Variants in N4BP2L1 observed in about 807,000 individuals in gnomAD.
The protein encoded by N4BP2L1 is NEDD4-binding protein 2-like 1.
N4BP2L1 carries 12 observed loss-of-function variants against 21.2 expected under a neutral mutation model. That is an observed-to-expected ratio of 0.57 (90% confidence interval 0.36 to 0.92). N4BP2L1 has a LOEUF of 0.92. Among genes scored for constraint, N4BP2L1 ranks in the 40% least tolerant of loss-of-function variants. The pLI is 0.01. For missense variants in N4BP2L1, 259 were observed against 310.6 expected, an observed-to-expected ratio of 0.83 and a Z score of 1.25; for synonymous variants, 104 against 112.8, an observed-to-expected ratio of 0.92 and a Z score of 0.49.
intron 1 of N4BP2L1, 80 bp downstream of exon 1, chr13:32,427,824 G>A (rs1490657385): frequency 2.0e-6 from 2 of 984,768 alleles, no homozygotes; most frequent in East Asian, 3.4e-5. Flanking sequence ...GCCCGGGAGC[G>A]GCTTGGGGCA....
chr13:32,407,188 G>GA, intron 3 of N4BP2L1, 62 bp downstream of exon 3: 2 of 1,484,454 alleles, frequency 1.3e-6, no homozygotes, highest in Non-Finnish European at 1.9e-6. Context: ...GGAAAGAACA[G>GA]ATGCTTCAAC....
chr13:32,414,329 A>G (rs147693147), intron 1 of N4BP2L1, among the ~76,000 whole-genome samples: 47 of 152,320 alleles, frequency 3.1e-4, no homozygotes, highest in African/African-American at 9.4e-4. Context: ...CCAATGGTCT[A>G]TGGTTAGGCA....
intron 1 of N4BP2L1, among the ~76,000 whole-genome samples, chr13:32,416,284 T>C (rs1299815646): frequency 6.6e-6 from 1 of 152,226 alleles, no homozygotes; most frequent in African/African-American, 2.4e-5. Flanking sequence ...AGCACTGCTA[T>C]GAATCCCCAA....
intron 4 of N4BP2L1, 58 bp downstream of exon 4, chr13:32,404,263 C>G (rs751984302): frequency 6.3e-7 from 1 of 1,584,064 alleles, no homozygotes. Context: ...TTTGTTCGGT[C>G]TGAAATACCT....
chr13:32,404,365 T>C lies in N4BP2L1; in HGVS notation c.429A>G (p.Arg143=). The C allele has an allele frequency of 6.2e-7, 1 of 1,613,630 alleles. No individual in the cohort carries two copies. Among genetic ancestry groups the C allele is most frequent in the Non-Finnish European group, 8.5e-7 (1 of 1,179,876 alleles). The change falls in exon 4 of 5, where the codon CGA becomes CGG. Residue 143 remains arginine, a synonymous_variant. Coordinates refer to ENST00000380130, the MANE Select transcript of N4BP2L1 (RefSeq NM_052818.3). Reference sequence around the variant, plus strand: ...TGAATTTCCAGCGAGTGTCAGGTTCTCGGAATATAACTTCATAGTTATTTT... The same window carrying C: ...TGAATTTCCAGCGAGTGTCAGGTTCCCGGAATATAACTTCATAGTTATTTT... ...ALENNYEVIF[R]EPDTRWKFNV...
intron 4 of N4BP2L1, 70 bp downstream of exon 4, chr13:32,404,251 C>G (rs372468111): frequency 1.3e-6 from 2 of 1,588,940 alleles, no homozygotes; most frequent in African/African-American, 2.7e-5. Context: ...TGAAAAGATT[C>G]TTTTGTTCGG....
At chr13:32,423,400 AG>A (rs542027157) in intron 1 of N4BP2L1, among the ~76,000 whole-genome samples, 9 of 152,338 alleles carry the variant, frequency 5.9e-5, no homozygotes, top group African/African-American at 2.2e-4. Context: ...CATGTACTAC[AG>A]GGTGGTTCCC....
intron 1 of N4BP2L1, chr13:32,425,162 CAT>C (rs1185037408): frequency 2.0e-5 from 3 of 152,176 alleles, no homozygotes; most frequent in African/African-American, 7.2e-5. Context: ...TTTCTATATA[CAT>C]GTGTATTTTT....
intron 1 of N4BP2L1, among the ~76,000 whole-genome samples, chr13:32,412,455 C>T (rs577420791): frequency 4.1e-4 from 62 of 152,078 alleles, no homozygotes; most frequent in African/African-American, 1.3e-3. Flanking sequence ...GGCAAAATCC[C>T]GTCTCTACTA....
chr13:32,423,610 A>G (rs1303868213), intron 1 of N4BP2L1, among the ~76,000 whole-genome samples: 3 of 152,246 alleles, frequency 2.0e-5, no homozygotes, highest in Non-Finnish European at 4.4e-5. Flanking sequence ...CAAAAATAGT[A>G]AAGTTCTGAC....
rs75925623 is a variant in N4BP2L1, at chr13:32,416,153, G to A, written c.180-8381C>T. The A allele has an allele frequency of 2.0e-5, 3 of 152,206 alleles. No homozygotes were observed. In the East Asian group the frequency reaches 5.8e-4, roughly 29 times the overall value. The allele number at this position is 152,206 out of a possible 1,614,324, so 9.4% of individuals were successfully genotyped here. A position where few individuals can be genotyped will look rare whatever the true frequency, so the allele number is the denominator to read the frequency against. On this transcript the variant is annotated intron_variant, in intron 1 of 4. Transcript: ENST00000380130. ...GTCCATTTTCTTTAACTGCTACATA[G>A]TACTCCATTATCAGCAAAATAATAA...
chr13:32,418,457 G>A (rs1288254272), intron 1 of N4BP2L1, among the ~76,000 whole-genome samples: 1 of 152,218 alleles, frequency 6.6e-6, no homozygotes, highest in Non-Finnish European at 1.5e-5. Context: ...CAGGGGTGGT[G>A]CCCTCATGGA....
intron 1 of N4BP2L1, among the ~76,000 whole-genome samples, chr13:32,424,557 T>C (rs2074660021): frequency 6.6e-6 from 1 of 152,212 alleles, no homozygotes; most frequent in Non-Finnish European, 1.5e-5. Context: ...AAAGGTCTTA[T>C]AAGTACTCAG....
intron 1 of N4BP2L1, chr13:32,419,454 T>TTTTTTA (rs2074348405): frequency 9.0e-6 from 3 of 333,186 alleles, no homozygotes; most frequent in Non-Finnish European, 1.7e-5. Context: ...TTTTGTATTT[T>TTTTTTA]ACAGACGGGG....
chr13:32,403,568 A>T (rs1005388208), intron 4 of N4BP2L1: 2 of 435,440 alleles, frequency 4.6e-6, no homozygotes, highest in African/African-American at 4.1e-5. Context: ...AGTCCCTGAG[A>T]TATATTTCTA....
intron 1 of N4BP2L1, chr13:32,411,850 C>T (rs2073880114): frequency 2.2e-6 from 2 of 899,852 alleles, no homozygotes; most frequent in South Asian, 1.0e-4. Flanking sequence ...TCAGACATTG[C>T]ATGTAATTTT....
chr13:32,425,807 T>C (rs2074729228), intron 1 of N4BP2L1: 1 of 152,020 alleles, frequency 6.6e-6, no homozygotes, highest in Non-Finnish European at 1.5e-5. Context: ...ATAAATCCTA[T>C]AATCTAGTAG....
At chr13:32,423,217 T>C (rs206332) in intron 1 of N4BP2L1, among the ~76,000 whole-genome samples, 31,945 of 152,154 alleles carry the variant, frequency 0.21, 3,644 homozygotes, top group South Asian at 0.39. Flanking sequence ...GGCTCTATAA[T>C]GAAAAGAAAT....
upstream of N4BP2L1, chr13:32,428,392 A>G: frequency 4.2e-6 from 1 of 236,794 alleles, no homozygotes; most frequent in Non-Finnish European, 8.1e-6. Context: ...CCCGTCTAGT[A>G]GGTCTCTGGG....
Sources: allele counts gnomAD v4.1 joint callset (sites outside exome capture counted in the v4.1 genomes callset), GRCh38; gene constraint gnomAD v4.1.1; transcripts MANE v1.5; gene names NCBI Gene and HGNC (gene_info 2026-07-23, HGNC 2026-07-21).